SCN10A: variants seen among roughly 807,000 people sequenced by gnomAD.
The protein encoded by SCN10A is sodium voltage-gated channel alpha subunit 10.
SCN10A carries 162 observed loss-of-function variants against 170.7 expected under a neutral mutation model. That is an observed-to-expected ratio of 0.95 (90% CI 0.84 to 1.08). SCN10A has a LOEUF of 1.08. SCN10A is among the 50% of genes least tolerant of loss of function. The probability of loss-of-function intolerance (pLI) is 0.00; values close to 1 mark genes in which losing one functional copy is unlikely to be tolerated. For synonymous variants in SCN10A, 985 were observed against 904.6 expected (o/e 1.09, Z -1.59); for missense variants, 2,527 against 2,436.9 (o/e 1.04, Z -0.78).
chr3:38,714,619 C>T (rs2125991616), intron 21 of SCN10A, among the ~76,000 whole-genome samples: 1 of 152,262 alleles, frequency 6.6e-6, no homozygotes, highest in South Asian at 2.1e-4. Flanking sequence ...GTCCAGGGTA[C>T]TTTCACCCTT....
chr3:38,746,945 T>C (rs2063696686), intron 13 of SCN10A, among the ~76,000 whole-genome samples: 1 of 152,198 alleles, frequency 6.6e-6, no homozygotes, highest in Admixed American at 6.5e-5. Flanking sequence ...TCCTGTTGGT[T>C]TGGGCCAAAC....
intron 4 of SCN10A, among the ~76,000 whole-genome samples, chr3:38,786,425 C>A (rs964903839): frequency 4.6e-5 from 7 of 151,436 alleles, no homozygotes; most frequent in African/African-American, 1.5e-4. Flanking sequence ...GGGAGATGAA[C>A]AATGAGAGCA....
chr3:38,801,097 G>A (rs1316675629), intron 1 of SCN10A, among the ~76,000 whole-genome samples: 1 of 152,116 alleles, frequency 6.6e-6, no homozygotes, highest in Non-Finnish European at 1.5e-5. Flanking sequence ...AGATTACAGT[G>A]GGCAAGGCAA....
At chr3:38,743,298 C>T (rs527245666) in intron 13 of SCN10A, among the ~76,000 whole-genome samples, 1 of 152,332 alleles carries the variant, frequency 6.6e-6, no homozygotes, top group Admixed American at 6.5e-5. Flanking sequence ...GGCTCTACCC[C>T]TCCCACTTGT....
At chr3:38,769,075 CTAAG>C (rs1353536193) in intron 5 of SCN10A, among the ~76,000 whole-genome samples, 4 of 152,002 alleles carry the variant, frequency 2.6e-5, no homozygotes, top group Non-Finnish European at 4.4e-5. Context: ...TTGTATTTCT[CTAAG>C]TGAGTCTTCC....
chr3:38,800,084 G>T (rs2064362429), intron 1 of SCN10A, among the ~76,000 whole-genome samples: 1 of 152,174 alleles, frequency 6.6e-6, no homozygotes, highest in East Asian at 1.9e-4. Context: ...AGGATGGTTT[G>T]CCATCACAGA....
At position 38,698,480 on chromosome 3, in the gene SCN10A, A is replaced by T; in HGVS notation, c.4740T>A (p.Ile1580=). The change falls in exon 28 of 28, where the codon ATT becomes ATA. Residue 1580 remains isoleucine (I), a synonymous_variant. Coordinates refer to ENST00000449082, the MANE Select transcript of SCN10A (RefSeq NM_006514.4). ...TLFRVIRLAR[I]GRILRLIRAA... ...CTCGGATCAGTCTGAGGATGCGGCC[A>T]ATTCGGGCCAGGCGGATGACTCTGA... The T allele has an allele frequency of 2.5e-6, 4 of 1,614,196 alleles. No individual in the cohort carries two copies. Among genetic ancestry groups the T allele is most frequent in the Non-Finnish European group, 3.4e-6 (4 of 1,180,032 alleles).
In SCN10A at chr3:38,697,362, G is replaced by C. The variant is rs770070419; in HGVS notation, c.5858C>G (p.Ala1953Gly). 6.8e-6 allele frequency: 11 copies of C among 1,613,732 alleles called. No homozygotes were observed. The highest frequency in any genetic ancestry group is 3.3e-4 in the Middle Eastern group (2 of 6,060). ...EDEATSMELI[A>G]PGP is the part of the protein sequence containing the mutation. ...GGAGTGTTCTCACTAGGGCCCAGGGGCAATCAGCTCCATACTGGTGGCTTC... is the reference window on the plus strand; with the variant it reads ...GGAGTGTTCTCACTAGGGCCCAGGGCCAATCAGCTCCATACTGGTGGCTTC... The change falls in exon 28 of 28, where the codon GCC (alanine) becomes GGC (glycine). Residue 1953 changes from alanine to glycine, a missense_variant. Coordinates refer to ENST00000449082, the MANE Select transcript of SCN10A (RefSeq NM_006514.4).
chr3:38,727,182 C>A, intron 16 of SCN10A, 130 bp from the exon 17 acceptor site: 1 of 797,524 alleles, frequency 1.3e-6, no homozygotes, highest in Non-Finnish European at 2.0e-6. Context: ...GGGATGCTGT[C>A]CCTTTTGGGG....
intron 4 of SCN10A, among the ~76,000 whole-genome samples, chr3:38,776,011 T>C (rs1460821258): frequency 6.6e-6 from 1 of 152,142 alleles, no homozygotes; most frequent in Non-Finnish European, 1.5e-5. Flanking sequence ...AGTAGAGATA[T>C]TCAATTGGTT....
intron 11 of SCN10A, among the ~76,000 whole-genome samples, chr3:38,753,342 G>A (rs1355319280): frequency 6.6e-6 from 1 of 152,122 alleles, no homozygotes; most frequent in Non-Finnish European, 1.5e-5. Context: ...GTCCTCAGGT[G>A]GTCTATAGTA....
chr3:38,715,257 G>C (rs1412694134), intron 21 of SCN10A, among the ~76,000 whole-genome samples: 5 of 152,250 alleles, frequency 3.3e-5, no homozygotes, highest in Middle Eastern at 3.4e-3. Context: ...AGCTGGGGCA[G>C]ACAGGTGCTG....
At chr3:38,754,900 T>C (rs2063786778) in intron 11 of SCN10A, among the ~76,000 whole-genome samples, 1 of 151,980 alleles carries the variant, frequency 6.6e-6, no homozygotes, top group Non-Finnish European at 1.5e-5. Flanking sequence ...ACACTGTTAG[T>C]GTGGAGCCAC....
intron 17 of SCN10A, among the ~76,000 whole-genome samples, chr3:38,726,184 C>T (rs377618865): frequency 3.3e-5 from 5 of 152,290 alleles, no homozygotes; most frequent in African/African-American, 1.2e-4. Context: ...CCTGTGATAC[C>T]ACTTGTGGGG....
intron 22 of SCN10A, among the ~76,000 whole-genome samples, chr3:38,713,061 T>G (rs547597464): frequency 6.6e-6 from 1 of 152,352 alleles, no homozygotes; most frequent in East Asian, 1.9e-4. Flanking sequence ...AAACCTTACT[T>G]TCTGCTGGGG....
At chr3:38,798,406 C>A (rs1238933462) in intron 1 of SCN10A, among the ~76,000 whole-genome samples, 7 of 152,074 alleles carry the variant, frequency 4.6e-5, no homozygotes, top group Admixed American at 4.6e-4. Context: ...GGTCTAGATC[C>A]CTGGGAAATG....
intron 4 of SCN10A, among the ~76,000 whole-genome samples, chr3:38,788,407 G>A (rs765652414): frequency 5.3e-5 from 8 of 152,062 alleles, no homozygotes; most frequent in Non-Finnish European, 8.8e-5. Context: ...ATAACTTCAG[G>A]AATACTAAGG....
chr3:38,769,461 G>C (rs1414510270), intron 5 of SCN10A, among the ~76,000 whole-genome samples: 1 of 151,956 alleles, frequency 6.6e-6, no homozygotes, highest in Non-Finnish European at 1.5e-5. Flanking sequence ...GGCTGGTCTT[G>C]AACTTCTGAC....
At chr3:38,708,868 T>C (rs896136433) in intron 25 of SCN10A, among the ~76,000 whole-genome samples, 1 of 152,234 alleles carries the variant, frequency 6.6e-6, no homozygotes, top group Non-Finnish European at 1.5e-5. Context: ...TCTCGGGATC[T>C]CAGTTACGCA....
Sources: allele counts gnomAD v4.1 joint callset (sites outside exome capture counted in the v4.1 genomes callset), GRCh38; gene constraint gnomAD v4.1.1; transcripts MANE v1.5; gene names NCBI Gene and HGNC (gene_info 2026-07-23, HGNC 2026-07-21).